RTTN: variants seen among roughly 807,000 people sequenced by gnomAD.
RTTN encodes rotatin.
Under a neutral mutation model 269.2 loss-of-function variants are expected in RTTN, and 182 were observed. The observed-to-expected ratio is 0.68, with a 90% confidence interval of 0.60 to 0.76. The LOEUF (loss-of-function observed/expected upper bound fraction) is 0.76. Among genes scored for constraint, RTTN ranks in the 30% least tolerant of loss-of-function variants. The probability of loss-of-function intolerance (pLI) is 0.00; values close to 1 mark genes in which losing one functional copy is unlikely to be tolerated. For synonymous variants in RTTN, 1,006 were observed against 963.5 expected (o/e 1.04, Z -0.82); for missense variants, 2,545 against 2,608.6 (o/e 0.98, Z 0.53).
intron 26 of RTTN, among the ~76,000 whole-genome samples, chr18:70,118,353 A>G (rs1374558172): frequency 6.6e-6 from 1 of 152,118 alleles, no homozygotes; most frequent in Non-Finnish European, 1.5e-5. Flanking sequence ...AACCAAGTGG[A>G]AAAAATTCTA....
chr18:70,186,847 A>G (rs1164714424), intron 10 of RTTN, among the ~76,000 whole-genome samples: 1 of 152,204 alleles, frequency 6.6e-6, no homozygotes, highest in Non-Finnish European at 1.5e-5. Context: ...AGAGGGGAAT[A>G]ACAGACACCA....
rs992709495 is a variant in RTTN at position 70,128,326 on chromosome 18, C to G, written c.3143+32G>C. The G allele has an allele frequency of 3.9e-6, 6 of 1,538,004 alleles. No homozygotes were observed. The African/African-American group carries it at 6.9e-5, about 18-fold the overall frequency. On this transcript the variant is annotated intron_variant, in intron 24 of 48. Transcript: ENST00000640769. ...CTAATTAATTACAATTAATTAATTG[C>G]AAATGCTTTTTAAACTAATATAAGA...
chr18:70,205,175 CG>C lies in RTTN; in HGVS notation c.171del (p.Val58PhefsTer3). ...LHLLEWFNFP[S>X]VPMKEEVLNL... Reference sequence around the variant, plus strand: ...TTCAGAACCTCTTCCTTCATCGGAACGGACGGGAAATTGAACCATTCCAGCA... The same window carrying C: ...TTCAGAACCTCTTCCTTCATCGGAACGACGGGAAATTGAACCATTCCAGCA... On this transcript the variant is annotated frameshift_variant, in exon 2 of 49. Coordinates refer to ENST00000640769, the MANE Select transcript of RTTN (RefSeq NM_173630.4). LOFTEE classifies it high-confidence loss of function. 6.2e-7 allele frequency: 1 copy of C among 1,614,230 alleles called. No homozygotes were observed. Among genetic ancestry groups the C allele is most frequent in the Non-Finnish European group, 8.5e-7 (1 of 1,180,052 alleles).
At chr18:70,079,194 C>CT (rs1173777877) in intron 32 of RTTN, among the ~76,000 whole-genome samples, 2 of 151,306 alleles carry the variant, frequency 1.3e-5, no homozygotes, top group Non-Finnish European at 2.9e-5. Flanking sequence ...GCTCTATTAG[C>CT]TTTTTTTTAA....
rs1339582088 is a variant in RTTN at position 70,030,096 on chromosome 18, G to A, written c.5661C>T (p.Asp1887=). 1.9e-6 allele frequency: 3 copies of A among 1,611,256 alleles called. No homozygotes were observed. Among genetic ancestry groups the A allele is most frequent in the East Asian group, 2.2e-5 (1 of 44,796 alleles). Reference sequence around the variant, plus strand: ...TGTGTTTCATCTGCTCCATGCAATTGTCTATAAGATTGGCTGAAAGACAAA... The same window carrying A: ...TGTGTTTCATCTGCTCCATGCAATTATCTATAAGATTGGCTGAAAGACAAA... The part of the protein sequence containing the change: ...QKHALKANLI[D]NCMEQMKHIN... The change falls in exon 42 of 49, where the codon GAC becomes GAT. Residue 1887 remains aspartate, a synonymous_variant. Transcript: ENST00000640769.
chr18:70,103,779 G>C (rs77506026), intron 28 of RTTN, among the ~76,000 whole-genome samples: 2 of 108,024 alleles, frequency 1.9e-5, no homozygotes, highest in Non-Finnish European at 2.0e-5. Context: ...AAAAAAAAAA[G>C]CAAATCATAA....
At chr18:70,057,599 G>T in intron 37 of RTTN, 143 bp downstream of exon 37, 1 of 600,364 alleles carries the variant, frequency 1.7e-6, no homozygotes, top group South Asian at 2.3e-5. Flanking sequence ...AAAATTTCAA[G>T]TAACGTATTT....
At chr18:70,163,829 T>C (rs1010878602) in intron 14 of RTTN, among the ~76,000 whole-genome samples, 1 of 152,194 alleles carries the variant, frequency 6.6e-6, no homozygotes, top group Non-Finnish European at 1.5e-5. Context: ...TTTTAGATTT[T>C]GGATTTTCAG....
At chr18:70,110,312 G>A (rs913195389) in intron 27 of RTTN, among the ~76,000 whole-genome samples, 2 of 151,942 alleles carry the variant, frequency 1.3e-5, no homozygotes, top group South Asian at 2.1e-4. Flanking sequence ...TGCAGCTCCC[G>A]GCAAGATCGA....
At chr18:70,108,687 G>A (rs1392556635) in intron 28 of RTTN, among the ~76,000 whole-genome samples, 4 of 151,992 alleles carry the variant, frequency 2.6e-5, no homozygotes, top group African/African-American at 4.8e-5. Context: ...GAAATGTTTC[G>A]AGAAATGCAA....
chr18:70,067,375 G>A (rs979616870), intron 34 of RTTN, among the ~76,000 whole-genome samples: 9 of 152,102 alleles, frequency 5.9e-5, no homozygotes, highest in African/African-American at 2.2e-4. Flanking sequence ...TAGCCAGGAT[G>A]GTCTCGATCT....
chr18:70,113,623 G>A (rs1360556820), intron 27 of RTTN, among the ~76,000 whole-genome samples: 1 of 152,056 alleles, frequency 6.6e-6, no homozygotes, highest in African/African-American at 2.4e-5. Context: ...ATTCATAATA[G>A]CCAAAAGGTA....
At chr18:70,134,417 C>A in intron 23 of RTTN, 56 bp downstream of exon 23, 1 of 1,268,024 alleles carries the variant, frequency 7.9e-7, no homozygotes, top group South Asian at 1.3e-5. Flanking sequence ...ATTTTGATTT[C>A]CCTTTCTGTA....
chr18:70,195,829 G>T (rs2061791717), intron 7 of RTTN, among the ~76,000 whole-genome samples: 1 of 152,144 alleles, frequency 6.6e-6, no homozygotes, highest in Non-Finnish European at 1.5e-5. Flanking sequence ...TACCCTCTAA[G>T]ATCTAGAATA....
At chr18:70,104,068 T>C (rs1051537923) in intron 28 of RTTN, among the ~76,000 whole-genome samples, 43 of 152,358 alleles carry the variant, frequency 2.8e-4, no homozygotes, top group African/African-American at 1.0e-3. Context: ...TCCTGGATAA[T>C]ATCCTGAAGA....
Position 70,146,126 on chromosome 18 carries a change from T to A in RTTN, c.2310-343A>T, listed in dbSNP as rs543590522. Among the ~76,000 whole-genome samples, 175 of 152,182 alleles carry A rather than the reference T, an allele frequency of 1.1e-3. 1 individual carries two copies. The highest frequency in any genetic ancestry group is 4.0e-3 in the African/African-American group (168 of 41,496). On this transcript the variant is annotated intron_variant, in intron 17 of 48. Coordinates refer to ENST00000640769, the MANE Select transcript of RTTN (RefSeq NM_173630.4). ...AAATCTAGTGAACTATTCTCCACCATAAAAAGTATCACAGACCGCTGACCA... is the reference window on the plus strand; with the variant it reads ...AAATCTAGTGAACTATTCTCCACCAAAAAAAGTATCACAGACCGCTGACCA...
chr18:70,106,248 G>C (rs1033815781), intron 28 of RTTN, among the ~76,000 whole-genome samples: 1 of 152,216 alleles, frequency 6.6e-6, no homozygotes, highest in South Asian at 2.1e-4. Context: ...GGGAGGCTGA[G>C]GTGGGAAGAT....
At chr18:70,065,099 A>T (rs935463097) in intron 35 of RTTN, among the ~76,000 whole-genome samples, 4 of 152,158 alleles carry the variant, frequency 2.6e-5, no homozygotes, top group Non-Finnish European at 4.4e-5. Context: ...TATTGTAATG[A>T]AAGTTCAAAG....
chr18:70,139,706 C>T lies in RTTN; in HGVS notation c.2681G>A (p.Cys894Tyr), dbSNP rs1267472105. 1 of 1,604,482 alleles carries T rather than the reference C, an allele frequency of 6.2e-7. No homozygotes were observed. Reference protein sequence around the residue: ...CVSQDGKVVECLVQPCLTLLR... With the variant: ...CVSQDGKVVEYLVQPCLTLLR... ...GAGTGTGAGGCATGGTTGTACCAAA[C>T]ATTCTACAACCTGGGCCAGGAGGAA... Residue 894 changes from cysteine (C) to tyrosine (Y), a missense_variant, in exon 21 of 49, where the codon TGT becomes TAT. By Grantham distance (194) the Cys-to-Tyr change is radical (BLOSUM62 -2). Transcript: ENST00000640769.
Sources: gnomAD v4.1 joint callset for allele counts (sites outside exome capture counted in the v4.1 genomes callset) on GRCh38, gnomAD v4.1.1 for gene constraint, MANE v1.5 for transcripts, NCBI Gene and HGNC (gene_info 2026-07-23, HGNC 2026-07-21) for gene names.